Variants in PRMT8 observed in about 807,000 individuals in gnomAD.
PRMT8 encodes the protein protein arginine N-methyltransferase 8.
In PRMT8, 7 loss-of-function variants were observed where a neutral mutation model predicts 47.1. The observed-to-expected ratio is 0.15, with a 90% confidence interval of 0.08 to 0.28. The LOEUF is 0.28. PRMT8 is among the 10% of genes least tolerant of loss of function. The pLI, the probability that PRMT8 is intolerant of heterozygous loss-of-function variation, is 1.00. For missense variants in PRMT8, 237 were observed against 505.4 expected, an observed-to-expected ratio of 0.47 and a Z score of 5.09; for synonymous variants, 188 against 186.5, an observed-to-expected ratio of 1.01 and a Z score of -0.07.
intron 3 of PRMT8, 189 bp from the exon 4 acceptor site, chr12:3,553,462 T>G (rs957461594): frequency 6.5e-6 from 4 of 613,402 alleles, no homozygotes; most frequent in Non-Finnish European, 1.2e-5. Flanking sequence ...CAGCCCAATT[T>G]CGTGGAAGGC....
chr12:3,405,006 T>A (rs1241161326), intron 1 of PRMT8, among the ~76,000 whole-genome samples: 3 of 152,170 alleles, frequency 2.0e-5, no homozygotes, highest in Admixed American at 2.0e-4. Context: ...ACTTTTTGAT[T>A]TATGAAGTGT....
Position 3,557,949 on chromosome 12 carries a change from C to T in PRMT8, c.481+4235C>T, listed in dbSNP as rs901212340. Reference sequence around the variant, plus strand: ...CCCTCTGCACAGGTTTCACCTGTGCCGTAATTCCTGACCTCTGACCCAGCC... The same window carrying T: ...CCCTCTGCACAGGTTTCACCTGTGCTGTAATTCCTGACCTCTGACCCAGCC... On this transcript the variant is annotated intron_variant, in intron 4 of 9. Coordinates refer to ENST00000382622, the MANE Select transcript of PRMT8 (RefSeq NM_019854.5). The surrounding 1 kb of genome is among the most constrained non-coding windows in gnomAD (Gnocchi z 4.7). Among the ~76,000 whole-genome samples the T allele has an allele frequency of 6.6e-6, 1 of 152,062 alleles. No homozygotes were observed. The highest frequency in any genetic ancestry group is 6.5e-5 in the Admixed American group (1 of 15,268).
chr12:3,429,541 A>T (rs1303367615), intron 1 of PRMT8, among the ~76,000 whole-genome samples: 1 of 152,206 alleles, frequency 6.6e-6, no homozygotes, highest in Non-Finnish European at 1.5e-5. Context: ...AACCAAAACC[A>T]TCAGAGTATC....
Position 3,493,261 on chromosome 12 carries a change from T to TA in PRMT8, c.75+1562dup, listed in dbSNP as rs1194355189. ...GAGAGCAGACATTCGGAATGATGTG[T>TA]AGTGCGAGGCGGCTAGCCTCCCAGC... On this transcript the variant is annotated intron_variant, in intron 1 of 9. Transcript: ENST00000382622. The surrounding 1 kb of genome is among the most constrained non-coding windows in gnomAD (Gnocchi z 8.2). Among the ~76,000 whole-genome samples, 2 of 152,108 alleles carry TA rather than the reference T, an allele frequency of 1.3e-5. No individual in the cohort carries two copies. The highest frequency in any genetic ancestry group is 4.8e-5 in the African/African-American group (2 of 41,424).
chr12:3,440,941 A>T (rs1484817284), intron 1 of PRMT8, among the ~76,000 whole-genome samples: 2 of 152,198 alleles, frequency 1.3e-5, no homozygotes, highest in African/African-American at 2.4e-5. Flanking sequence ...ATAGGGATTT[A>T]CTTCCTCTTG....
chr12:3,388,077 CTG>C (rs1368144382), intron 1 of PRMT8, among the ~76,000 whole-genome samples: 1 of 149,816 alleles, frequency 6.7e-6, no homozygotes, highest in Non-Finnish European at 1.5e-5. Flanking sequence ...CCCTGTCTGT[CTG>C]TCTTTCTCCC....
At chr12:3,577,426 C>A (rs1297495132) in intron 7 of PRMT8, among the ~76,000 whole-genome samples, 3 of 152,206 alleles carry the variant, frequency 2.0e-5, no homozygotes, top group African/African-American at 7.2e-5. Context: ...CCCCAGCGGC[C>A]TGCCAGATAG....
intron 1 of PRMT8, among the ~76,000 whole-genome samples, chr12:3,507,221 A>G (rs1030148576): frequency 2.1e-5 from 3 of 145,890 alleles, no homozygotes; most frequent in Admixed American, 7.2e-5. Context: ...TCCCGGGTTC[A>G]CGCCATTCTC....
At chr12:3,449,498 CT>C (rs1490332386) in intron 1 of PRMT8, among the ~76,000 whole-genome samples, 1 of 152,090 alleles carries the variant, frequency 6.6e-6, no homozygotes, top group Non-Finnish European at 1.5e-5. Flanking sequence ...TGATGTTGAG[CT>C]TTTTTTCATA....
chr12:3,435,945 A>G (rs1864736851), intron 1 of PRMT8, among the ~76,000 whole-genome samples: 1 of 152,174 alleles, frequency 6.6e-6, no homozygotes, highest in Non-Finnish European at 1.5e-5. Flanking sequence ...TTGGTCCCTG[A>G]TGACACCCCG....
intron 1 of PRMT8, among the ~76,000 whole-genome samples, chr12:3,445,038 A>C (rs1864843510): frequency 6.6e-6 from 1 of 152,182 alleles, no homozygotes; most frequent in South Asian, 2.1e-4. Context: ...TAGGAAGGGG[A>C]GATTTTGAGT....
chr12:3,485,635 C>A (rs1865315890), intron 1 of PRMT8, among the ~76,000 whole-genome samples: 1 of 152,018 alleles, frequency 6.6e-6, no homozygotes, highest in Non-Finnish European at 1.5e-5. Flanking sequence ...CATGTAGTAA[C>A]CTGGAAAGAG....
intron 1 of PRMT8, among the ~76,000 whole-genome samples, chr12:3,440,464 C>CAAACA (rs58748503): frequency 0.71 from 105,468 of 148,278 alleles, 39,359 homozygotes; most frequent in East Asian, 0.89. Flanking sequence ...TCCGTCAAAA[C>CAAACA]AAACAAAACA....
intron 1 of PRMT8, among the ~76,000 whole-genome samples, chr12:3,455,495 C>T (rs1482844214): frequency 1.3e-5 from 2 of 152,120 alleles, no homozygotes; most frequent in Non-Finnish European, 2.9e-5. Context: ...AATTGACTCA[C>T]GCCCTTTCCC....
chr12:3,413,285 G>T (rs1439585452), intron 1 of PRMT8, among the ~76,000 whole-genome samples: 1 of 152,194 alleles, frequency 6.6e-6, no homozygotes, highest in Non-Finnish European at 1.5e-5. Flanking sequence ...TCTCTTGCCT[G>T]CTGCCATATA....
chr12:3,463,083 G>A (rs1865057204), intron 1 of PRMT8: 1 of 152,162 alleles, frequency 6.6e-6, no homozygotes, highest in South Asian at 2.1e-4. Flanking sequence ...CTGGGAGGAT[G>A]GAGACACAAA....
intron 1 of PRMT8, among the ~76,000 whole-genome samples, chr12:3,539,266 T>G (rs2137162764): frequency 6.6e-6 from 1 of 152,322 alleles, no homozygotes; most frequent in South Asian, 2.1e-4. Flanking sequence ...TAGGTTTTAT[T>G]ATGATTTGTG....
chr12:3,510,125 G>C (rs1310572404), intron 1 of PRMT8, among the ~76,000 whole-genome samples: 1 of 152,138 alleles, frequency 6.6e-6, no homozygotes, highest in African/African-American at 2.4e-5. Flanking sequence ...AGATGCAGTG[G>C]GGGATGTTCT....
Position 3,400,865 on chromosome 12 carries a change from G to A in PRMT8, c.48+19423G>A, listed in dbSNP as rs184737893. ...AAGGTTGGTTCAAGATAGGCAAATT[G>A]GCCAAGTGTGGTGGCTCACGCCTGT... On this transcript the variant is annotated intron_variant, in intron 1 of 9. Transcript: ENST00000452611. 1.1e-4 allele frequency among the ~76,000 whole-genome samples: 17 copies of A among 151,834 alleles called. No homozygotes were observed. The East Asian group carries it at 2.5e-3, about 23-fold the overall frequency.
Sources: allele counts gnomAD v4.1 joint callset (sites outside exome capture counted in the v4.1 genomes callset), GRCh38; gene constraint gnomAD v4.1.1; non-coding constraint Gnocchi (gnomAD v3.1); transcripts MANE v1.5; gene names NCBI Gene and HGNC (gene_info 2026-07-23, HGNC 2026-07-21).